The following ASS1 variants were observed in gnomAD, a reference collection of about 807,000 sequenced individuals.
The protein encoded by ASS1 is argininosuccinate synthase 1, also known as argininosuccinate synthase.
ASS1 carries 58 observed loss-of-function variants against 60.5 expected under a neutral mutation model. That is an observed-to-expected ratio of 0.96 (90% CI 0.78 to 1.19). The LOEUF (loss-of-function observed/expected upper bound fraction) is 1.19, where lower values mean the gene tolerates loss of function less well. Ranked by LOEUF, ASS1 falls within the 50% of genes most tolerant of loss-of-function variation. The pLI is 0.00. For missense variants in ASS1, 454 were observed against 547.3 expected, an observed-to-expected ratio of 0.83 and a Z score of 1.70; for synonymous variants, 200 against 206.9, an observed-to-expected ratio of 0.97 and a Z score of 0.29.
intron 13 of ASS1, among the ~76,000 whole-genome samples, chr9:130,496,757 C>T (rs1285497017): frequency 6.6e-6 from 1 of 152,198 alleles, no homozygotes; most frequent in African/African-American, 2.4e-5. Context: ...CCTGTGTCCG[C>T]CCCGTGGATG....
At chr9:130,492,850 C>A (rs552787069) in intron 12 of ASS1, among the ~76,000 whole-genome samples, 1 of 152,290 alleles carries the variant, frequency 6.6e-6, no homozygotes, top group African/African-American at 2.4e-5. Context: ...TGCAGGGTCT[C>A]CCCCATTGCA....
rs151042066 is a variant in ASS1, at chr9:130,480,357, G to T, written c.774-28G>T. The T allele has an allele frequency of 2.4e-3, 3,815 of 1,614,058 alleles. 87 individuals are homozygous for T. In the Admixed American group the frequency reaches 0.044, roughly 18 times the overall value. Reference sequence around the variant, plus strand: ...GACTCTGAGCCTTGCGGTAGCGCCCGAACCTAATGGACCAGTTCTTCCCAC... The same window carrying T: ...GACTCTGAGCCTTGCGGTAGCGCCCTAACCTAATGGACCAGTTCTTCCCAC... On this transcript the variant is annotated intron_variant, in intron 10 of 14. Coordinates refer to ENST00000352480, the MANE Select transcript of ASS1 (RefSeq NM_054012.4).
At chr9:130,466,883 A>G in intron 6 of ASS1, 84 bp downstream of exon 6, 1 of 1,490,610 alleles carries the variant, frequency 6.7e-7, no homozygotes, top group Non-Finnish European at 9.3e-7. Flanking sequence ...TGTCTGAGCC[A>G]GTGGCCTAGG....
upstream of ASS1, among the ~76,000 whole-genome samples, chr9:130,444,768 G>C (rs886063526): frequency 6.6e-6 from 1 of 151,998 alleles, no homozygotes; most frequent in Non-Finnish European, 1.5e-5. This position sits in a 1 kb window ranked among gnomAD's most constrained non-coding sequence, Gnocchi z 4.7. Flanking sequence ...GGTGGGAGGC[G>C]GGGGGAGGTG....
chr9:130,455,648 T>G (rs1371071899), intron 3 of ASS1, among the ~76,000 whole-genome samples: 1 of 152,264 alleles, frequency 6.6e-6, no homozygotes, highest in Non-Finnish European at 1.5e-5. Context: ...AGGGCATTTA[T>G]GATGAACAGT....
chr9:130,468,358 T>A (rs1477789748), intron 6 of ASS1, among the ~76,000 whole-genome samples: 3 of 152,106 alleles, frequency 2.0e-5, no homozygotes, highest in African/African-American at 7.2e-5. Flanking sequence ...CAACCCATCG[T>A]CCAACGGAAA....
At chr9:130,479,402 G>A (rs1304009528) in intron 9 of ASS1, among the ~76,000 whole-genome samples, 1 of 152,194 alleles carries the variant, frequency 6.6e-6, no homozygotes, top group South Asian at 2.1e-4. Context: ...AGACAATGGT[G>A]GAGCGTGAAA....
Position 130,477,053 on chromosome 9 carries a change from C to T in ASS1, c.688+92C>T. On this transcript the variant is annotated intron_variant, in intron 9 of 14. Transcript: ENST00000352480. The surrounding 1 kb of genome is among the most constrained non-coding windows in gnomAD (Gnocchi z 4.2). ...TGCCTGGGAACCTAGGCCCTCTTTA[C>T]CCCCGCCCTGCATTCCTGGAAGCTA... 7.5e-7 allele frequency: 1 copy of T among 1,328,954 alleles called. No homozygotes were observed. The highest frequency in any genetic ancestry group is 1.1e-6 in the Non-Finnish European group (1 of 930,100). 82.3% of individuals were successfully genotyped at this position (1,328,954 alleles called of 1,614,324 possible). A position where few individuals can be genotyped will look rare whatever the true frequency, so the allele number is the denominator to read the frequency against.
rs754930928 is a variant in ASS1 at position 130,500,954 on chromosome 9, T to TTGTTTTGAATCTGGTTTACAGGC, written c.1194-19_1197dup. On this transcript the variant is annotated intron_variant, in intron 14 of 14. Coordinates refer to ENST00000352480, the MANE Select transcript of ASS1 (RefSeq NM_054012.4). Reference sequence around the variant, plus strand: ...TGTTATTGTTAATTTACATTTTTCTTTGTTTTGAATCTGGTTTACAGGCTG... The same window carrying TTGTTTTGAATCTGGTTTACAGGC: ...TGTTATTGTTAATTTACATTTTTCTTTGTTTTGAATCTGGTTTACAGGCTGTTTTGAATCTGGTTTACAGGCTG... 6.2e-7 allele frequency: 1 copy of TTGTTTTGAATCTGGTTTACAGGC among 1,612,260 alleles called. No homozygotes were observed. Among genetic ancestry groups the TTGTTTTGAATCTGGTTTACAGGC allele is most frequent in the Admixed American group, 1.7e-5 (1 of 60,004 alleles).
At chr9:130,499,008 A>G (rs994014793) in intron 13 of ASS1, among the ~76,000 whole-genome samples, 2 of 152,162 alleles carry the variant, frequency 1.3e-5, no homozygotes, top group African/African-American at 4.8e-5. Flanking sequence ...CATGAGGGGA[A>G]AGGTGACTTG....
chr9:130,454,363 G>A lies in ASS1; in HGVS notation c.164G>A (p.Gly55Glu). 1 of 1,613,688 alleles carries A rather than the reference G, an allele frequency of 6.2e-7. No homozygotes were observed. The highest frequency in any genetic ancestry group is 8.5e-7 in the Non-Finnish European group (1 of 1,179,822). The change falls in exon 3 of 15, where the codon GGG becomes GAG. Residue 55 changes from glycine to glutamate, a missense_variant. By Grantham distance (98) the Gly-to-Glu change is moderately conservative. Transcript: ENST00000352480. The part of the protein sequence containing the change: ...EEARKKALKL[G>E]AKKVFIEDVS... Reference sequence around the variant, plus strand: ...GCCAGGAAGAAGGCACTGAAGCTTGGGGCCAAAAAGGTACCAGGCGGGAGG... The same window carrying A: ...GCCAGGAAGAAGGCACTGAAGCTTGAGGCCAAAAAGGTACCAGGCGGGAGG...
At chr9:130,452,434 C>T (rs976781679) in intron 2 of ASS1, 101 bp downstream of exon 2, 3 of 1,026,096 alleles carry the variant, frequency 2.9e-6, no homozygotes, top group East Asian at 2.5e-5. Flanking sequence ...GTCTGCTCAC[C>T]GTCACTCATT....
chr9:130,479,655 G>T, intron 9 of ASS1, 61 bp from the exon 10 acceptor site: 1 of 1,328,864 alleles, frequency 7.5e-7, no homozygotes, highest in South Asian at 1.2e-5. Context: ...GTGGGGTGGC[G>T]GGTGCAGACT....
chr9:130,485,106 T>C lies in ASS1; in HGVS notation c.839-4227T>C, dbSNP rs17147021. On this transcript the variant is annotated intron_variant, in intron 11 of 14. Coordinates refer to ENST00000352480, the MANE Select transcript of ASS1 (RefSeq NM_054012.4). ...CTGGCCTCATTTTCCTGGGGACACC[T>C]GTGATGGGCCAGTAGCTGGAGGACC... is the stretch of plus-strand genomic sequence containing the variant. 3.3e-3 allele frequency among the ~76,000 whole-genome samples: 499 copies of C among 152,204 alleles called. 3 individuals are homozygous for C. The highest frequency in any genetic ancestry group is 0.012 in the African/African-American group (488 of 41,534).
chr9:130,467,866 C>G (rs80173512), intron 6 of ASS1, among the ~76,000 whole-genome samples: 139 of 152,326 alleles, frequency 9.1e-4, no homozygotes, highest in African/African-American at 3.2e-3. Context: ...CCGACCCATA[C>G]GTTGCCCTTT....
At chr9:130,473,170 G>A (rs1564152601) in intron 8 of ASS1, among the ~76,000 whole-genome samples, 1 of 152,194 alleles carries the variant, frequency 6.6e-6, no homozygotes, top group Non-Finnish European at 1.5e-5. Flanking sequence ...CAGGAAACCC[G>A]AGTCTAAATC....
chr9:130,455,300 T>C (rs1390797544), intron 3 of ASS1, among the ~76,000 whole-genome samples: 1 of 151,792 alleles, frequency 6.6e-6, no homozygotes, highest in Non-Finnish European at 1.5e-5. Context: ...CATCCATCCC[T>C]TCATTATCCA....
intron 12 of ASS1, among the ~76,000 whole-genome samples, chr9:130,493,810 A>G (rs1204399594): frequency 6.6e-6 from 1 of 152,134 alleles, no homozygotes; most frequent in African/African-American, 2.4e-5. Flanking sequence ...GAGGCTAGAG[A>G]GAGGCCGGGG....
intron 3 of ASS1, 108 bp from the exon 4 acceptor site, chr9:130,458,293 C>T (rs978527112): frequency 3.0e-5 from 37 of 1,250,400 alleles, no homozygotes; most frequent in Middle Eastern, 2.6e-4. Flanking sequence ...CCAGGTACAG[C>T]GGGGGTGGCC....
Sources: allele counts gnomAD v4.1 joint callset (sites outside exome capture counted in the v4.1 genomes callset), GRCh38; gene constraint gnomAD v4.1.1; non-coding constraint Gnocchi (gnomAD v3.1); transcripts MANE v1.5; gene names NCBI Gene and HGNC (gene_info 2026-07-23, HGNC 2026-07-21).